Variants in KCNQ3 observed in about 807,000 individuals in gnomAD.
KCNQ3 encodes the protein potassium voltage-gated channel subfamily Q member 3.
KCNQ3 carries 30 observed loss-of-function variants against 92.5 expected under a neutral mutation model. The ratio of observed to expected loss-of-function variants is 0.32; its 90% confidence interval spans 0.24 to 0.44. KCNQ3 has a LOEUF of 0.44. Ranked by LOEUF, KCNQ3 falls within the 20% of genes least tolerant of loss-of-function variation. The probability of loss-of-function intolerance (pLI) is 1.00; values close to 1 mark genes in which losing one functional copy is unlikely to be tolerated. For synonymous variants in KCNQ3, 450 were observed against 468.8 expected (o/e 0.96, Z 0.52); for missense variants, 913 against 1,140.3 (o/e 0.80, Z 2.87).
chr8:132,358,263 T>C (rs1354363107), intron 1 of KCNQ3, among the ~76,000 whole-genome samples: 1 of 152,240 alleles, frequency 6.6e-6, no homozygotes, highest in Non-Finnish European at 1.5e-5. Context: ...TAGAGTTTCC[T>C]GCAGCATTTT....
intron 1 of KCNQ3, among the ~76,000 whole-genome samples, chr8:132,189,751 G>A (rs941659597): frequency 4.6e-5 from 7 of 151,784 alleles, no homozygotes; most frequent in African/African-American, 1.2e-4. Flanking sequence ...ACTTGAACCC[G>A]GGAGGCGGAG....
rs1272369344 is a variant in KCNQ3, at chr8:132,141,124, A to T, written c.1465+5T>A. 3 of 1,613,894 alleles carry T rather than the reference A, an allele frequency of 1.9e-6. No homozygotes were observed. ...GAGACAGGGAGGGAGATAAAAAGGCATTACCTTCAGAACTCTGCCAGAAAG... is the reference window on the plus strand; with the variant it reads ...GAGACAGGGAGGGAGATAAAAAGGCTTTACCTTCAGAACTCTGCCAGAAAG... On this transcript the variant is annotated splice_donor_5th_base_variant and intron_variant, in intron 10 of 14. Coordinates refer to ENST00000388996, the MANE Select transcript of KCNQ3 (RefSeq NM_004519.4).
chr8:132,303,606 GTATATA>G lies in KCNQ3; in HGVS notation c.387-117431_387-117426del, dbSNP rs369419617. Among the ~76,000 whole-genome samples, 195 of 35,020 alleles carry G rather than the reference GTATATA, an allele frequency of 5.6e-3. 7 individuals are homozygous for G. Among genetic ancestry groups the G allele is most frequent in the African/African-American group, 0.017 (166 of 9,932 alleles). The allele number at this position is 35,020 out of a possible 152,430, so 23.0% of individuals were successfully genotyped here. ...GTGTGTGTGTATATATATATGGTGT[GTATATA>G]TATATATATATATATATATGGTGTA... On this transcript the variant is annotated intron_variant, in intron 1 of 14. Coordinates refer to ENST00000388996, the MANE Select transcript of KCNQ3 (RefSeq NM_004519.4).
chr8:132,198,686 A>T (rs901742032), intron 1 of KCNQ3, among the ~76,000 whole-genome samples: 2 of 152,118 alleles, frequency 1.3e-5, no homozygotes, highest in Non-Finnish European at 2.9e-5. Flanking sequence ...GGGTGCCTGC[A>T]ATCCCAGCTA....
At chr8:132,278,244 TA>T in intron 1 of KCNQ3, 9 of 981,890 alleles carry the variant, frequency 9.2e-6, no homozygotes, top group Non-Finnish European at 1.1e-5. Flanking sequence ...AGTAGAGGCA[TA>T]AATCTCAATA....
chr8:132,216,207 C>T (rs1225814069), intron 1 of KCNQ3, among the ~76,000 whole-genome samples: 1 of 152,096 alleles, frequency 6.6e-6, no homozygotes, highest in Non-Finnish European at 1.5e-5. Flanking sequence ...ACAATGATGA[C>T]AACAGCAACA....
intron 8 of KCNQ3, among the ~76,000 whole-genome samples, chr8:132,164,193 A>T (rs901612935): frequency 6.6e-6 from 1 of 151,546 alleles, no homozygotes. Context: ...GAACAGTCCT[A>T]CTCATCCTTT....
chr8:132,224,535 C>G (rs1814344165), intron 1 of KCNQ3, among the ~76,000 whole-genome samples: 1 of 152,028 alleles, frequency 6.6e-6, no homozygotes, highest in Non-Finnish European at 1.5e-5. Flanking sequence ...AGATCTGACT[C>G]ACAAACTTCT....
intron 1 of KCNQ3, among the ~76,000 whole-genome samples, chr8:132,443,856 C>T (rs1232892560): frequency 6.6e-6 from 1 of 152,162 alleles, no homozygotes; most frequent in East Asian, 1.9e-4. Context: ...ACACTCTTTA[C>T]CCCCCCATTT....
chr8:132,144,184 A>AGAT (rs1242293895), intron 9 of KCNQ3, among the ~76,000 whole-genome samples: 1 of 152,248 alleles, frequency 6.6e-6, no homozygotes, highest in African/African-American at 2.4e-5. Context: ...CATTGGTCAC[A>AGAT]GATGGCAGTT....
chr8:132,316,957 A>G (rs1394787034), intron 1 of KCNQ3, among the ~76,000 whole-genome samples: 1 of 152,176 alleles, frequency 6.6e-6, no homozygotes, highest in South Asian at 2.1e-4. Context: ...GGGCTGCTGG[A>G]AAGAAACTAT....
At chr8:132,245,558 T>G (rs747881215) in intron 1 of KCNQ3, among the ~76,000 whole-genome samples, 54 of 152,294 alleles carry the variant, frequency 3.5e-4, no homozygotes, top group Non-Finnish European at 6.3e-4. Flanking sequence ...CTGAAAGTTT[T>G]AACCACCCTT....
At chr8:132,211,195 T>C (rs1813840780) in intron 1 of KCNQ3, among the ~76,000 whole-genome samples, 1 of 152,202 alleles carries the variant, frequency 6.6e-6, no homozygotes, top group East Asian at 1.9e-4. Flanking sequence ...CAGCAAACTA[T>C]TGATATACAA....
chr8:132,323,896 T>C (rs1817965555), intron 1 of KCNQ3, among the ~76,000 whole-genome samples: 1 of 152,172 alleles, frequency 6.6e-6, no homozygotes, highest in South Asian at 2.1e-4. Context: ...TTTCATCACC[T>C]ACAAAAGGAA....
intron 1 of KCNQ3, among the ~76,000 whole-genome samples, chr8:132,358,325 T>C (rs73343890): frequency 0.053 from 8,032 of 152,276 alleles, 690 homozygotes; most frequent in African/African-American, 0.18. Flanking sequence ...TTCTGAGGCC[T>C]AATGGGTTTG....
At chr8:132,259,642 G>T (rs746240456) in intron 1 of KCNQ3, among the ~76,000 whole-genome samples, 2 of 152,220 alleles carry the variant, frequency 1.3e-5, no homozygotes, top group East Asian at 3.9e-4. Context: ...TGGACTAGAA[G>T]TTCTATTCAG....
intron 1 of KCNQ3, among the ~76,000 whole-genome samples, chr8:132,271,117 C>T (rs1385168006): frequency 6.6e-6 from 1 of 152,226 alleles, no homozygotes; most frequent in African/African-American, 2.4e-5. Flanking sequence ...ACCTGGACAA[C>T]CCCACTGCTG....
At chr8:132,285,859 A>G (rs1816665529) in intron 1 of KCNQ3, among the ~76,000 whole-genome samples, 1 of 152,158 alleles carries the variant, frequency 6.6e-6, no homozygotes. Context: ...TGCCCAGGCT[A>G]CCTAGGGACT....
intron 1 of KCNQ3, among the ~76,000 whole-genome samples, chr8:132,213,748 G>T (rs1052925491): frequency 6.6e-6 from 1 of 152,122 alleles, no homozygotes; most frequent in Non-Finnish European, 1.5e-5. Context: ...GAAAACCATC[G>T]CAGTCACAGT....
Sources: gnomAD v4.1 joint callset for allele counts (sites outside exome capture counted in the v4.1 genomes callset) on GRCh38, gnomAD v4.1.1 for gene constraint, MANE v1.5 for transcripts, NCBI Gene and HGNC (gene_info 2026-07-23, HGNC 2026-07-21) for gene names.